Variants in ERBB4 observed in about 807,000 individuals in gnomAD.
ERBB4 encodes the protein erb-b2 receptor tyrosine kinase 4, also known as receptor tyrosine-protein kinase erbB-4.
ERBB4 carries 42 observed loss-of-function variants against 158.0 expected under a neutral mutation model. The observed-to-expected ratio is 0.27, with a 90% CI of 0.21 to 0.34. The LOEUF (loss-of-function observed/expected upper bound fraction) is 0.34. Among genes scored for constraint, ERBB4 ranks in the 10% least tolerant of loss-of-function variants. The pLI is 1.00. For synonymous variants in ERBB4, 583 were observed against 558.7 expected, an observed-to-expected ratio of 1.04 and a Z score of -0.61; for missense variants, 1,333 against 1,624.1, an observed-to-expected ratio of 0.82 and a Z score of 3.08.
rs145877591 is a variant in ERBB4, at chr2:211,982,987, A to G, written c.235-35371T>C. Reference sequence around the variant, plus strand: ...ACAAAACATTTTTGACTTTTTAAAAATGTTATATATTGACGTGAGTCATGA... The same window carrying G: ...ACAAAACATTTTTGACTTTTTAAAAGTGTTATATATTGACGTGAGTCATGA... On this transcript the variant is annotated intron_variant, in intron 2 of 27. Coordinates refer to ENST00000342788, the MANE Select transcript of ERBB4 (RefSeq NM_005235.3). 8.2e-3 allele frequency among the ~76,000 whole-genome samples: 1,245 copies of G among 152,308 alleles called. 11 individuals are homozygous for G. Among genetic ancestry groups the G allele is most frequent in the Non-Finnish European group, 0.012 (818 of 68,018 alleles).
chr2:212,366,670 T>C (rs1199235291), intron 1 of ERBB4, among the ~76,000 whole-genome samples: 1 of 151,990 alleles, frequency 6.6e-6, no homozygotes, highest in Non-Finnish European at 1.5e-5. Flanking sequence ...ATAAGATACA[T>C]AACTTAGAGC....
chr2:212,362,449 T>C (rs763898485), intron 1 of ERBB4, among the ~76,000 whole-genome samples: 26 of 151,052 alleles, frequency 1.7e-4, no homozygotes, highest in Non-Finnish European at 3.3e-4. Context: ...GTCCTAAGAA[T>C]TTAATATAGC....
intron 4 of ERBB4, among the ~76,000 whole-genome samples, chr2:211,766,782 G>A (rs1213430354): frequency 2.0e-5 from 3 of 152,062 alleles, no homozygotes; most frequent in African/African-American, 7.2e-5. Context: ...CTCCACTCTC[G>A]AGTAACAAAA....
At chr2:211,559,613 G>T (rs1049429344) in intron 20 of ERBB4, among the ~76,000 whole-genome samples, 1 of 152,136 alleles carries the variant, frequency 6.6e-6, no homozygotes, top group African/African-American at 2.4e-5. Context: ...TCAGGACTCA[G>T]TGTCTTCTCT....
At position 212,162,348 on chromosome 2, in the gene ERBB4, A is replaced by G. The variant is rs926046794; in HGVS notation, c.83-37445T>C. ...TATAGTGTATGATTTGAATTCAAATAAAATTCTAGAACAGGCAAAATTAAT... is the reference window on the plus strand; with the variant it reads ...TATAGTGTATGATTTGAATTCAAATGAAATTCTAGAACAGGCAAAATTAAT... On this transcript the variant is annotated intron_variant, in intron 1 of 27. Coordinates refer to ENST00000342788, the MANE Select transcript of ERBB4 (RefSeq NM_005235.3). Among the ~76,000 whole-genome samples the G allele has an allele frequency of 2.0e-5, 3 of 151,916 alleles. No individual in the cohort carries two copies. The South Asian group carries it at 6.2e-4, about 31-fold the overall frequency.
chr2:211,916,316 A>T (rs2079689854), intron 3 of ERBB4, among the ~76,000 whole-genome samples: 1 of 151,898 alleles, frequency 6.6e-6, no homozygotes, highest in African/African-American at 2.4e-5. Flanking sequence ...AGTATCTGGG[A>T]TTACAGGCAC....
intron 1 of ERBB4, among the ~76,000 whole-genome samples, chr2:212,254,665 G>T (rs2084659781): frequency 6.6e-6 from 1 of 152,152 alleles, no homozygotes; most frequent in Non-Finnish European, 1.5e-5. Flanking sequence ...TAGGAAAAAA[G>T]ACAGCATGCC....
At chr2:211,836,146 A>T (rs926002850) in intron 3 of ERBB4, among the ~76,000 whole-genome samples, 2 of 152,116 alleles carry the variant, frequency 1.3e-5, no homozygotes, top group Non-Finnish European at 2.9e-5. Flanking sequence ...GAAGTTAGAA[A>T]GATGAAGTGA....
At chr2:211,723,028 C>A (rs180728894) in intron 6 of ERBB4, among the ~76,000 whole-genome samples, 1 of 152,292 alleles carries the variant, frequency 6.6e-6, no homozygotes, top group Non-Finnish European at 1.5e-5. Flanking sequence ...AAGGCTCTGG[C>A]TGGTGACTAG....
chr2:211,528,643 A>G (rs575552471), intron 20 of ERBB4, among the ~76,000 whole-genome samples: 1 of 152,240 alleles, frequency 6.6e-6, no homozygotes, highest in East Asian at 1.9e-4. Flanking sequence ...AAAAATTGAA[A>G]TAATATCAAG....
At chr2:211,496,578 C>A (rs1454196553) in intron 20 of ERBB4, among the ~76,000 whole-genome samples, 1 of 151,912 alleles carries the variant, frequency 6.6e-6, no homozygotes, top group Non-Finnish European at 1.5e-5. Flanking sequence ...TTCTTAAGCA[C>A]CCATAATACT....
chr2:212,202,205 T>A (rs1013683029), intron 1 of ERBB4, among the ~76,000 whole-genome samples: 4 of 152,184 alleles, frequency 2.6e-5, no homozygotes, highest in African/African-American at 9.7e-5. Context: ...CGAAATTTTA[T>A]AAGTGATAGT....
chr2:211,562,243 C>A (rs1017446941), intron 19 of ERBB4, among the ~76,000 whole-genome samples, 155 bp from the exon 20 acceptor site: 1 of 152,194 alleles, frequency 6.6e-6, no homozygotes, highest in African/African-American at 2.4e-5. Context: ...GTTATTCTAT[C>A]TTTAAAGTGA....
intron 1 of ERBB4, among the ~76,000 whole-genome samples, chr2:212,227,228 G>T (rs2083501841): frequency 7.6e-6 from 1 of 130,834 alleles, no homozygotes; most frequent in Admixed American, 8.0e-5. Flanking sequence ...ATGGGCGACA[G>T]AATGAGACTC....
At chr2:211,902,926 C>A (rs1311867329) in intron 3 of ERBB4, among the ~76,000 whole-genome samples, 4 of 151,858 alleles carry the variant, frequency 2.6e-5, no homozygotes, top group Non-Finnish European at 5.9e-5. Flanking sequence ...CTTTAGAAAA[C>A]TAAAAATCTT....
chr2:211,997,817 A>C (rs990069608), intron 2 of ERBB4, among the ~76,000 whole-genome samples: 7 of 151,990 alleles, frequency 4.6e-5, no homozygotes, highest in Non-Finnish European at 1.0e-4. Flanking sequence ...TAAATAATAT[A>C]TTAATCATTC....
At chr2:212,177,029 A>G (rs1435184765) in intron 1 of ERBB4, among the ~76,000 whole-genome samples, 1 of 150,376 alleles carries the variant, frequency 6.6e-6, no homozygotes, top group African/African-American at 2.4e-5. Flanking sequence ...TACTTTATGA[A>G]GCAACATCTT....
intron 9 of ERBB4, among the ~76,000 whole-genome samples, chr2:211,705,853 A>G (rs1315658649): frequency 6.6e-6 from 1 of 152,208 alleles, no homozygotes; most frequent in Non-Finnish European, 1.5e-5. Context: ...AACACAAATA[A>G]AATTGACATC....
chr2:211,814,010 A>C (rs1430238100), intron 3 of ERBB4, among the ~76,000 whole-genome samples: 1 of 152,158 alleles, frequency 6.6e-6, no homozygotes, highest in Admixed American at 6.6e-5. Context: ...ATTACACATT[A>C]TGTATACATA....
Sources: allele counts gnomAD v4.1 joint callset (sites outside exome capture counted in the v4.1 genomes callset), GRCh38; gene constraint gnomAD v4.1.1; transcripts MANE v1.5; gene names NCBI Gene and HGNC (gene_info 2026-07-23, HGNC 2026-07-21).